The following HAO1 variants were observed in gnomAD, a reference collection of about 807,000 sequenced individuals.
The protein encoded by HAO1 is hydroxyacid oxidase 1, also known as 2-Hydroxyacid oxidase 1.
A neutral mutation model predicts 39.7 loss-of-function variants in HAO1; 34 were observed. That is an observed-to-expected ratio of 0.86 (90% confidence interval 0.65 to 1.14). The LOEUF (loss-of-function observed/expected upper bound fraction) is 1.14, where lower values mean the gene tolerates loss of function less well. HAO1 is among the 50% of genes most tolerant of loss of function. The probability of loss-of-function intolerance (pLI) is 0.00; values close to 1 mark genes in which losing one functional copy is unlikely to be tolerated. For synonymous variants in HAO1, 172 were observed against 173.2 expected (o/e 0.99, Z 0.05); for missense variants, 479 against 464.5 (o/e 1.03, Z -0.29).
intron 1 of HAO1, among the ~76,000 whole-genome samples, chr20:7,938,084 G>A (rs555835839): frequency 6.6e-6 from 1 of 152,200 alleles, no homozygotes; most frequent in Non-Finnish European, 1.5e-5. Flanking sequence ...GAAATACTCT[G>A]GCTTTGTATC....
At chr20:7,922,571 A>G (rs968877908) in intron 2 of HAO1, among the ~76,000 whole-genome samples, 1 of 152,116 alleles carries the variant, frequency 6.6e-6, no homozygotes, top group Non-Finnish European at 1.5e-5. Context: ...AGAATATCTA[A>G]GGAGATAATT....
At chr20:7,895,494 GTTTATC>G (rs912243561) in intron 4 of HAO1, among the ~76,000 whole-genome samples, 4 of 151,196 alleles carry the variant, frequency 2.6e-5, no homozygotes, top group Non-Finnish European at 5.9e-5. Context: ...CATAAAGCGT[GTTTATC>G]TTTATAAGGG....
At chr20:7,896,718 C>A (rs1295026832) in intron 4 of HAO1, among the ~76,000 whole-genome samples, 1 of 152,158 alleles carries the variant, frequency 6.6e-6, no homozygotes, top group East Asian at 1.9e-4. Context: ...TTCTAACTGC[C>A]TTTCTTTTCT....
chr20:7,896,530 T>G (rs568740223), intron 4 of HAO1, among the ~76,000 whole-genome samples: 56 of 152,194 alleles, frequency 3.7e-4, no homozygotes, highest in Non-Finnish European at 5.9e-4. Context: ...TCTTATTTTT[T>G]TCAAATGATG....
chr20:7,883,905 C>G (rs2050139228), intron 7 of HAO1, among the ~76,000 whole-genome samples: 1 of 152,142 alleles, frequency 6.6e-6, no homozygotes, highest in Non-Finnish European at 1.5e-5. Context: ...AATAGAGAGT[C>G]AGTGACTGAA....
rs375005055 is a variant in HAO1 at position 7,915,175 on chromosome 20, A to G, written c.290-756T>C. On this transcript the variant is annotated intron_variant, in intron 2 of 7. Coordinates refer to ENST00000378789, the MANE Select transcript of HAO1 (RefSeq NM_017545.3). Reference sequence around the variant, plus strand: ...ATTTTCTGCATCAATATGCTAAACCATGGTGCCCAGATATTTGGTGAAACA... The same window carrying G: ...ATTTTCTGCATCAATATGCTAAACCGTGGTGCCCAGATATTTGGTGAAACA... Among the ~76,000 whole-genome samples the G allele has an allele frequency of 1.6e-3, 249 of 152,262 alleles. 2 individuals carry two copies. In the South Asian group the frequency reaches 0.017, roughly 11 times the overall value.
At chr20:7,905,777 C>A (rs1200178014) in intron 4 of HAO1, among the ~76,000 whole-genome samples, 1 of 152,134 alleles carries the variant, frequency 6.6e-6, no homozygotes, top group Non-Finnish European at 1.5e-5. Context: ...GTCTGTCTGT[C>A]ATAATATCTC....
intron 2 of HAO1, among the ~76,000 whole-genome samples, chr20:7,928,361 T>C (rs773477357): frequency 6.6e-6 from 1 of 152,194 alleles, no homozygotes; most frequent in Non-Finnish European, 1.5e-5. Flanking sequence ...AATTGTTTCT[T>C]TTTGCATTTG....
intron 2 of HAO1, among the ~76,000 whole-genome samples, chr20:7,929,540 T>C (rs568787100): frequency 6.6e-6 from 1 of 152,258 alleles, no homozygotes; most frequent in Non-Finnish European, 1.5e-5. Flanking sequence ...ATAGCTTCAT[T>C]GGTCACTCTA....
chr20:7,904,845 A>C (rs2050239993), intron 4 of HAO1, among the ~76,000 whole-genome samples: 1 of 152,248 alleles, frequency 6.6e-6, no homozygotes, highest in South Asian at 2.1e-4. Context: ...AATATTATTT[A>C]GTCCCCACAG....
At chr20:7,910,266 GT>G (rs1455353459) in intron 3 of HAO1, among the ~76,000 whole-genome samples, 1 of 152,170 alleles carries the variant, frequency 6.6e-6, no homozygotes, top group East Asian at 1.9e-4. Flanking sequence ...AGAGATGTGA[GT>G]TTTCAGAGAC....
At chr20:7,903,493 TAGG>T (rs2050230660) in intron 4 of HAO1, among the ~76,000 whole-genome samples, 1 of 151,838 alleles carries the variant, frequency 6.6e-6, no homozygotes, top group Non-Finnish European at 1.5e-5. Flanking sequence ...ATGGTGGTGA[TAGG>T]AGTGGTGGAG....
At chr20:7,902,356 A>C (rs1216600359) in intron 4 of HAO1, among the ~76,000 whole-genome samples, 6 of 152,238 alleles carry the variant, frequency 3.9e-5, no homozygotes, top group Non-Finnish European at 8.8e-5. Context: ...TACCCTGATC[A>C]GTCAGCAACC....
At chr20:7,924,046 G>A (rs1374887889) in intron 2 of HAO1, among the ~76,000 whole-genome samples, 1 of 152,084 alleles carries the variant, frequency 6.6e-6, no homozygotes. Context: ...GGCACCCTCT[G>A]GAGAGGGTCA....
At chr20:7,937,183 A>G (rs898439013) in intron 1 of HAO1, among the ~76,000 whole-genome samples, 7 of 152,248 alleles carry the variant, frequency 4.6e-5, no homozygotes, top group African/African-American at 1.7e-4. Context: ...AAATCAAATG[A>G]TATATACACT....
intron 5 of HAO1, among the ~76,000 whole-genome samples, chr20:7,890,611 T>G: frequency 6.6e-6 from 1 of 152,306 alleles, no homozygotes; most frequent in Admixed American, 6.5e-5. Context: ...GAGTAAGTTC[T>G]TAAGTAGTAA....
At chr20:7,914,720 G>T (rs1237879778) in intron 2 of HAO1, among the ~76,000 whole-genome samples, 1 of 152,114 alleles carries the variant, frequency 6.6e-6, no homozygotes, top group Non-Finnish European at 1.5e-5. Flanking sequence ...ATAGTCAAAG[G>T]TGTCTGTAAA....
intron 1 of HAO1, among the ~76,000 whole-genome samples, chr20:7,935,306 AG>A (rs779225356): frequency 7.8e-4 from 119 of 152,320 alleles, no homozygotes; most frequent in South Asian, 1.9e-3. Context: ...TTCTAAATAA[AG>A]CCACTACAAA....
intron 5 of HAO1, among the ~76,000 whole-genome samples, chr20:7,890,737 C>A (rs1323206441): frequency 6.6e-6 from 1 of 152,108 alleles, no homozygotes; most frequent in African/African-American, 2.4e-5. Flanking sequence ...TCCATTGTAT[C>A]ATTCTTATGC....
Sources: gnomAD v4.1 joint callset for allele counts (sites outside exome capture counted in the v4.1 genomes callset) on GRCh38, gnomAD v4.1.1 for gene constraint, MANE v1.5 for transcripts, NCBI Gene and HGNC (gene_info 2026-07-23, HGNC 2026-07-21) for gene names.